RXFP1: variants seen among roughly 807,000 people sequenced by gnomAD.
RXFP1 encodes relaxin family peptide receptor 1, also known as relaxin receptor 1.
A neutral mutation model predicts 89.8 loss-of-function variants in RXFP1; 73 were observed. The ratio of observed to expected loss-of-function variants is 0.81; its 90% CI spans 0.67 to 0.99. RXFP1 has a LOEUF of 0.99. RXFP1 is among the 50% of genes least tolerant of loss of function. The probability of loss-of-function intolerance (pLI) is 0.00; values close to 1 mark genes in which losing one functional copy is unlikely to be tolerated. For synonymous variants in RXFP1, 277 were observed against 305.5 expected, an observed-to-expected ratio of 0.91 and a Z score of 0.97; for missense variants, 793 against 895.5, an observed-to-expected ratio of 0.89 and a Z score of 1.46.
intron 5 of RXFP1, among the ~76,000 whole-genome samples, chr4:158,606,608 G>A (rs1173617289): frequency 6.6e-6 from 1 of 152,048 alleles, no homozygotes; most frequent in Non-Finnish European, 1.5e-5. Context: ...TTAAGAGACA[G>A]GGTCTCACTC....
chr4:158,542,463 C>T (rs1389472858), intron 1 of RXFP1, among the ~76,000 whole-genome samples: 2 of 152,014 alleles, frequency 1.3e-5, no homozygotes, highest in Non-Finnish European at 2.9e-5. Context: ...CAAAACTTAC[C>T]ATAAAAATAC....
At chr4:158,603,654 G>A (rs1385433824) in intron 4 of RXFP1, among the ~76,000 whole-genome samples, 3 of 151,902 alleles carry the variant, frequency 2.0e-5, no homozygotes, top group African/African-American at 7.3e-5. Context: ...CACTTTCGGA[G>A]GCCGAGGCAG....
At chr4:158,602,027 C>G (rs1761775567) in intron 4 of RXFP1, among the ~76,000 whole-genome samples, 1 of 152,162 alleles carries the variant, frequency 6.6e-6, no homozygotes. Context: ...GGCCATTTCT[C>G]TCTCACACAC....
chr4:158,617,214 TTCTG>T lies in RXFP1; in HGVS notation c.755+13_755+16del. 2 of 1,588,180 alleles carry T rather than the reference TTCTG, an allele frequency of 1.3e-6. No individual in the cohort carries two copies. Among genetic ancestry groups the T allele is most frequent in the Non-Finnish European group, 1.7e-6 (2 of 1,164,636 alleles). On this transcript the variant is annotated intron_variant, in intron 9 of 17. Transcript: ENST00000307765. Reference sequence around the variant, plus strand: ...CCAAGACTACATTGGCTGTAAGCGATTCTGTCTTTTTTTAAAGAACTCAACTAAA... The same window carrying T: ...CCAAGACTACATTGGCTGTAAGCGATTCTTTTTTTAAAGAACTCAACTAAA...
chr4:158,613,276 G>C (rs1580068088), intron 8 of RXFP1, among the ~76,000 whole-genome samples: 1 of 152,208 alleles, frequency 6.6e-6, no homozygotes, highest in South Asian at 2.1e-4. Context: ...GGGTGGCTGT[G>C]GCAATTTCTT....
intron 1 of RXFP1, among the ~76,000 whole-genome samples, chr4:158,539,868 C>T (rs1288908416): frequency 6.6e-6 from 1 of 152,188 alleles, no homozygotes; most frequent in East Asian, 1.9e-4. Context: ...GAAAAAAAAT[C>T]ACAGATTTCA....
chr4:158,606,294 C>T (rs1003951946), intron 5 of RXFP1, among the ~76,000 whole-genome samples: 2 of 152,136 alleles, frequency 1.3e-5, no homozygotes, highest in Non-Finnish European at 2.9e-5. Flanking sequence ...CATTTTTGCA[C>T]AATAAACATT....
intron 1 of RXFP1, among the ~76,000 whole-genome samples, chr4:158,544,692 G>A (rs1021941344): frequency 1.3e-5 from 2 of 151,838 alleles, no homozygotes; most frequent in Non-Finnish European, 2.9e-5. Flanking sequence ...GTGAGAACAT[G>A]AGGTGTTTGG....
intron 1 of RXFP1, among the ~76,000 whole-genome samples, chr4:158,539,898 G>A (rs1021704828): frequency 6.6e-6 from 1 of 152,178 alleles, no homozygotes; most frequent in African/African-American, 2.4e-5. Flanking sequence ...CACACAGGTG[G>A]AGTGGAATGA....
intron 11 of RXFP1, 119 bp from the exon 12 acceptor site, chr4:158,633,286 A>G (rs1346244754): frequency 6.5e-6 from 4 of 619,512 alleles, no homozygotes; most frequent in African/African-American, 1.9e-5. Flanking sequence ...ACTTCTGGTG[A>G]TTAATATAAC....
In RXFP1 at chr4:158,645,012, A is replaced by T; in HGVS notation, c.1219A>T (p.Ile407Phe). Residue 407 changes from isoleucine to phenylalanine, a missense_variant, in exon 15 of 18, where the codon ATT becomes TTT. Coordinates refer to ENST00000307765, the MANE Select transcript of RXFP1 (RefSeq NM_021634.4). ...TCTAGAGAATCTCTTGGCAAGCATT[A>T]TTCAGAGAGTATTTGTCTGGGTTGT... Reference protein sequence around the residue: ...SSLENLLASIIQRVFVWVVSA... With the variant: ...SSLENLLASIFQRVFVWVVSA... 1.9e-6 allele frequency: 3 copies of T among 1,614,170 alleles called. No individual in the cohort carries two copies. In the South Asian group the frequency reaches 3.3e-5, roughly 18 times the overall value.
rs535823498 is a variant in RXFP1 at position 158,602,087 on chromosome 4, T to C, written c.392+2656T>C. ...TCTGTGAACAATCAAAGTTGGACTGTCAAATTTTAAAATATAAGGATTTGT... is the reference window on the plus strand; with the variant it reads ...TCTGTGAACAATCAAAGTTGGACTGCCAAATTTTAAAATATAAGGATTTGT... On this transcript the variant is annotated intron_variant, in intron 4 of 17. Transcript: ENST00000307765. Among the ~76,000 whole-genome samples, 9 of 152,330 alleles carry C rather than the reference T, an allele frequency of 5.9e-5. No individual in the cohort carries two copies. In the South Asian group the frequency reaches 1.4e-3, roughly 25 times the overall value.
chr4:158,651,671 G>T, intron 17 of RXFP1, 86 bp from the exon 18 acceptor site: 2 of 1,029,068 alleles, frequency 1.9e-6, no homozygotes, highest in Middle Eastern at 3.2e-4. Flanking sequence ...TCAAAAAGGG[G>T]TTGGGATGAA....
At chr4:158,592,640 A>C (rs1424575741) in intron 2 of RXFP1, among the ~76,000 whole-genome samples, 1 of 152,236 alleles carries the variant, frequency 6.6e-6, no homozygotes, top group Non-Finnish European at 1.5e-5. Flanking sequence ...ATGTTTATAC[A>C]TCTCCAACAT....
Position 158,626,874 on chromosome 4 carries a change from C to T in RXFP1, c.810C>T (p.Cys270=). The T allele has an allele frequency of 6.6e-7, 1 of 1,522,118 alleles. No individual in the cohort carries two copies. The allele number at this position is 1,522,118 out of a possible 1,614,324, so 94.3% of individuals were successfully genotyped here. ...TAAGAAATTTGACTTTTATTTCCTG[C>T]AGTAATTTAACTGTTTTGTAAGTAA... ...HNLRNLTFIS[C]SNLTVLVMRK... The change falls in exon 10 of 18, where the codon TGC becomes TGT. Residue 270 remains cysteine, a synonymous_variant. Coordinates refer to ENST00000307765, the MANE Select transcript of RXFP1 (RefSeq NM_021634.4).
At chr4:158,570,318 G>C (rs1053150800) in intron 1 of RXFP1, among the ~76,000 whole-genome samples, 12 of 152,202 alleles carry the variant, frequency 7.9e-5, no homozygotes, top group African/African-American at 2.9e-4. Context: ...GGGACTTCTG[G>C]ATTGAAGATG....
chr4:158,637,054 G>C (rs999887495), intron 12 of RXFP1, among the ~76,000 whole-genome samples: 2 of 152,130 alleles, frequency 1.3e-5, no homozygotes, highest in African/African-American at 4.8e-5. Flanking sequence ...ATTCATTCAT[G>C]TTGTTGCAAA....
rs146359018 is a variant in RXFP1, at chr4:158,619,087, TCA to T, written c.755+1900_755+1901del. Among the ~76,000 whole-genome samples the T allele has an allele frequency of 8.3e-3, 1,237 of 149,142 alleles. 10 individuals are homozygous for T. The highest frequency in any genetic ancestry group is 0.017 in the African/African-American group (706 of 40,794). On this transcript the variant is annotated intron_variant, in intron 9 of 17. Transcript: ENST00000307765. ...AAAAGAATGGAAAAGTAAAATGTGA[TCA>T]CACACACACACACACACGCATACAC...
intron 1 of RXFP1, among the ~76,000 whole-genome samples, chr4:158,548,184 G>C (rs1394507579): frequency 2.0e-5 from 3 of 152,196 alleles, no homozygotes; most frequent in Non-Finnish European, 4.4e-5. Flanking sequence ...TTGTTGAATT[G>C]ATCCCTTTAC....
Sources: gnomAD v4.1 joint callset for allele counts (sites outside exome capture counted in the v4.1 genomes callset) on GRCh38, gnomAD v4.1.1 for gene constraint, MANE v1.5 for transcripts, NCBI Gene and HGNC (gene_info 2026-07-23, HGNC 2026-07-21) for gene names.